The following PTPRT variants were observed in gnomAD, a reference collection of about 807,000 sequenced individuals.
The protein encoded by PTPRT is receptor-type tyrosine-protein phosphatase T.
In PTPRT, 56 loss-of-function variants were observed where a neutral mutation model predicts 176.8. That is an observed-to-expected ratio of 0.32 (90% confidence interval 0.26 to 0.40). The LOEUF (loss-of-function observed/expected upper bound fraction) is 0.40. Ranked by LOEUF, PTPRT falls within the 10% of genes least tolerant of loss-of-function variation. PTPRT has a pLI of 1.00. For synonymous variants in PTPRT, 783 were observed against 739.0 expected, an observed-to-expected ratio of 1.06 and a Z score of -0.96; for missense variants, 1,540 against 1,908.2, an observed-to-expected ratio of 0.81 and a Z score of 3.60.
chr20:42,883,013 G>A (rs2145857636), intron 2 of PTPRT, among the ~76,000 whole-genome samples: 2 of 152,322 alleles, frequency 1.3e-5, no homozygotes, highest in South Asian at 4.1e-4. Flanking sequence ...GTGGGATGTG[G>A]AGCATGATGA....
chr20:42,914,727 C>T (rs184695808), intron 1 of PTPRT, among the ~76,000 whole-genome samples: 5 of 151,808 alleles, frequency 3.3e-5, no homozygotes, highest in East Asian at 1.9e-4. Flanking sequence ...AGAATTTGGT[C>T]GATAATTGAA....
intron 25 of PTPRT, among the ~76,000 whole-genome samples, chr20:42,102,680 C>T (rs1380696891): frequency 6.6e-6 from 1 of 152,180 alleles, no homozygotes; most frequent in Non-Finnish European, 1.5e-5. Flanking sequence ...CTACTGAGGG[C>T]TAAACATCAC....
At chr20:42,972,980 T>C (rs1982741993) in intron 1 of PTPRT, among the ~76,000 whole-genome samples, 1 of 152,040 alleles carries the variant, frequency 6.6e-6, no homozygotes. Context: ...TATTCACATG[T>C]GGCTGGTGGC....
At chr20:42,279,302 A>G (rs2057100796) in intron 13 of PTPRT, among the ~76,000 whole-genome samples, 1 of 152,052 alleles carries the variant, frequency 6.6e-6, no homozygotes, top group South Asian at 2.1e-4. Flanking sequence ...CCTCATAAAA[A>G]GGGGAATTTT....
chr20:42,835,698 T>C (rs1204543592), intron 2 of PTPRT, among the ~76,000 whole-genome samples: 2 of 152,170 alleles, frequency 1.3e-5, no homozygotes, highest in Non-Finnish European at 2.9e-5. Flanking sequence ...ACAACGATTA[T>C]TTTTGGTTAT....
chr20:42,234,136 G>A (rs1473978192), intron 15 of PTPRT, among the ~76,000 whole-genome samples: 1 of 152,140 alleles, frequency 6.6e-6, no homozygotes, highest in East Asian at 1.9e-4. Flanking sequence ...GAAGAGAGGG[G>A]CTCCCAGGGA....
At chr20:42,995,944 T>C (rs1403055468) in intron 1 of PTPRT, among the ~76,000 whole-genome samples, 1 of 152,106 alleles carries the variant, frequency 6.6e-6, no homozygotes, top group Non-Finnish European at 1.5e-5. Flanking sequence ...GTTTCCTAAG[T>C]AGCTAGGACT....
At chr20:42,623,518 T>C (rs1220025318) in intron 7 of PTPRT, among the ~76,000 whole-genome samples, 1 of 152,232 alleles carries the variant, frequency 6.6e-6, no homozygotes, top group African/African-American at 2.4e-5. Context: ...AGTTACACTT[T>C]CTCAAGGTTA....
At chr20:42,688,430 T>C (rs955789892) in intron 6 of PTPRT, 2 of 152,182 alleles carry the variant, frequency 1.3e-5, no homozygotes, top group Non-Finnish European at 2.9e-5. Context: ...CCTATTCCAT[T>C]TTGTTACCCC....
intron 7 of PTPRT, among the ~76,000 whole-genome samples, chr20:42,637,340 TAAC>T (rs1156700331): frequency 6.6e-6 from 1 of 152,124 alleles, no homozygotes. Flanking sequence ...ATCTGGGCCT[TAAC>T]AATCTTTCTG....
At chr20:42,434,386 C>T (rs2059242875) in intron 9 of PTPRT, among the ~76,000 whole-genome samples, 1 of 152,112 alleles carries the variant, frequency 6.6e-6, no homozygotes, top group Non-Finnish European at 1.5e-5. Context: ...CTGTTCTAGG[C>T]ACCGGGGATA....
intron 2 of PTPRT, among the ~76,000 whole-genome samples, chr20:42,801,264 TACCA>T (rs1201035659): frequency 6.6e-6 from 1 of 152,112 alleles, no homozygotes; most frequent in Non-Finnish European, 1.5e-5. Context: ...CTAACGCGGA[TACCA>T]GGTGGAAGGG....
At chr20:42,947,361 C>G (rs1032173679) in intron 1 of PTPRT, among the ~76,000 whole-genome samples, 13 of 152,298 alleles carry the variant, frequency 8.5e-5, no homozygotes, top group Admixed American at 3.9e-4. Context: ...CTTCCCCCAG[C>G]CCCTGGCAGC....
chr20:42,836,261 C>G (rs762735451), intron 2 of PTPRT, among the ~76,000 whole-genome samples: 3 of 152,188 alleles, frequency 2.0e-5, no homozygotes, highest in Non-Finnish European at 4.4e-5. Flanking sequence ...GACCCTCCAT[C>G]CACTGCAATA....
At chr20:42,034,331 G>A in the PTPRT span, among the ~76,000 whole-genome samples, 31 of 152,154 alleles carry the variant, frequency 2.0e-4, no homozygotes, top group Non-Finnish European at 7.3e-5. Flanking sequence ...GACCATTGTG[G>A]ACATCTCCAG....
intron 14 of PTPRT, among the ~76,000 whole-genome samples, chr20:42,241,099 G>A (rs6102746): frequency 0.021 from 3,264 of 152,252 alleles, 113 homozygotes; most frequent in African/African-American, 0.073. Flanking sequence ...GGCATGGCAG[G>A]GATTTGAATC....
chr20:42,753,705 A>G (rs1569134863), intron 6 of PTPRT, among the ~76,000 whole-genome samples: 3 of 152,162 alleles, frequency 2.0e-5, no homozygotes, highest in Non-Finnish European at 4.4e-5. Flanking sequence ...ACTTGGGCCC[A>G]GGATGCACAA....
Position 42,292,813 on chromosome 20 carries a change from G to A in PTPRT, c.2140-10288C>T, listed in dbSNP as rs530597759. ...ATCAGATAAGATCTGGAATCCTTGA[G>A]TAACTCAGAACCATTAGGACTACGT... On this transcript the variant is annotated intron_variant, in intron 12 of 30. Coordinates refer to ENST00000373187, the MANE Select transcript of PTPRT (RefSeq NM_007050.6). 5.9e-5 allele frequency among the ~76,000 whole-genome samples: 9 copies of A among 152,306 alleles called. No individual in the cohort carries two copies. The South Asian group carries it at 1.2e-3, about 21-fold the overall frequency.
At chr20:42,965,683 C>T (rs1464711914) in intron 1 of PTPRT, among the ~76,000 whole-genome samples, 1 of 152,062 alleles carries the variant, frequency 6.6e-6, no homozygotes, top group Admixed American at 6.6e-5. Context: ...TAACTGAGAG[C>T]CATAAAACTT....
Sources: allele counts gnomAD v4.1 joint callset (sites outside exome capture counted in the v4.1 genomes callset), GRCh38; gene constraint gnomAD v4.1.1; transcripts MANE v1.5; gene names NCBI Gene and HGNC (gene_info 2026-07-23, HGNC 2026-07-21).